Variants in NELL1 observed in about 807,000 individuals in gnomAD.
NELL1 encodes the protein protein kinase C-binding protein NELL1.
NELL1 carries 76 observed loss-of-function variants against 107.4 expected under a neutral mutation model. That is an observed-to-expected ratio of 0.71 (90% confidence interval 0.59 to 0.86). NELL1 has a LOEUF of 0.86. Ranked by LOEUF, NELL1 falls within the 40% of genes least tolerant of loss-of-function variation. The pLI, the probability that NELL1 is intolerant of heterozygous loss-of-function variation, is 0.00. For missense variants in NELL1, 1,024 were observed against 1,005.5 expected (o/e 1.02, Z -0.25); for synonymous variants, 353 against 341.2 (o/e 1.03, Z -0.38).
intron 13 of NELL1, among the ~76,000 whole-genome samples, chr11:21,152,655 C>T (rs989462863): frequency 1.3e-4 from 20 of 152,088 alleles, no homozygotes; most frequent in African/African-American, 4.8e-4. Flanking sequence ...CTTGTCTCTG[C>T]AATTGACAAT....
chr11:20,936,366 G>C (rs1850724841), intron 9 of NELL1, among the ~76,000 whole-genome samples: 1 of 152,168 alleles, frequency 6.6e-6, no homozygotes, highest in Non-Finnish European at 1.5e-5. Context: ...TGTATCCTTT[G>C]CTCATGGAAG....
intron 14 of NELL1, among the ~76,000 whole-genome samples, chr11:21,353,115 C>T (rs1379751727): frequency 1.3e-5 from 2 of 152,138 alleles, no homozygotes; most frequent in Non-Finnish European, 2.9e-5. Context: ...TTCATTATAG[C>T]ACCCTCAGGA....
chr11:21,227,961 G>T (rs115684115), intron 13 of NELL1, among the ~76,000 whole-genome samples: 1,596 of 152,252 alleles, frequency 0.01, 26 homozygotes, highest in African/African-American at 0.035. Context: ...AAGATTGATG[G>T]TTTTTCAAAT....
At chr11:20,810,885 T>C (rs1436121987) in intron 3 of NELL1, among the ~76,000 whole-genome samples, 1 of 152,070 alleles carries the variant, frequency 6.6e-6, no homozygotes, top group Admixed American at 6.5e-5. Context: ...TGTAGTTTCT[T>C]ATATATTTTT....
At chr11:20,690,083 T>C (rs555823504) in intron 2 of NELL1, among the ~76,000 whole-genome samples, 184 of 152,360 alleles carry the variant, frequency 1.2e-3, no homozygotes, top group African/African-American at 4.3e-3. Flanking sequence ...ATAAATGTCT[T>C]CTTTTGAGAA....
chr11:20,871,687 C>A (rs527920099), intron 4 of NELL1, among the ~76,000 whole-genome samples: 26 of 151,966 alleles, frequency 1.7e-4, no homozygotes, highest in African/African-American at 6.3e-4. Context: ...AGAGGAAAAT[C>A]CCCTCCCTAT....
intron 5 of NELL1, among the ~76,000 whole-genome samples, chr11:20,916,671 C>T (rs1322160671): frequency 2.0e-5 from 3 of 151,804 alleles, no homozygotes; most frequent in African/African-American, 4.8e-5. Flanking sequence ...TCTGTTTTAG[C>T]GCTGAATTTT....
intron 3 of NELL1, among the ~76,000 whole-genome samples, chr11:20,841,026 T>C (rs1848612346): frequency 1.3e-5 from 2 of 152,360 alleles, no homozygotes; most frequent in South Asian, 4.1e-4. Context: ...TTCGGTTTCA[T>C]GTTTCTGTAC....
rs183623484 is a variant in NELL1 at position 20,993,827 on chromosome 11, G to A, written c.1300+33267G>A. On this transcript the variant is annotated intron_variant, in intron 12 of 19. Transcript: ENST00000357134. The stretch of plus-strand genomic sequence containing the variant: ...CAATATTTTTGACCTGCAGTTGGTT[G>A]AATCCATGGATCGGGGGATGGGGGA... Among the ~76,000 whole-genome samples the A allele has an allele frequency of 4.6e-3, 689 of 150,006 alleles. 5 individuals are homozygous for A. The highest frequency in any genetic ancestry group is 0.016 in the African/African-American group (640 of 40,802).
chr11:21,215,880 G>A (rs1857602122), intron 13 of NELL1, among the ~76,000 whole-genome samples: 1 of 152,130 alleles, frequency 6.6e-6, no homozygotes, highest in Admixed American at 6.5e-5. Flanking sequence ...AGAAATTCAA[G>A]CCCACTGCAG....
chr11:21,431,333 A>G (rs1029849499), intron 15 of NELL1, among the ~76,000 whole-genome samples: 1 of 152,036 alleles, frequency 6.6e-6, no homozygotes, highest in Non-Finnish European at 1.5e-5. Flanking sequence ...CCAAAGTTCT[A>G]TATCATCTAT....
At chr11:21,228,297 C>G (rs1192288480) in intron 13 of NELL1, among the ~76,000 whole-genome samples, 3 of 152,160 alleles carry the variant, frequency 2.0e-5, no homozygotes, top group Admixed American at 2.0e-4. Context: ...GGAATCTTTT[C>G]ATCTGTTTTC....
intron 15 of NELL1, among the ~76,000 whole-genome samples, chr11:21,471,858 G>A (rs1477895259): frequency 6.6e-6 from 1 of 152,040 alleles, no homozygotes; most frequent in East Asian, 1.9e-4. Context: ...CATGTGAAAA[G>A]CCAGTATATT....
At chr11:21,341,612 G>T (rs149485502) in intron 14 of NELL1, among the ~76,000 whole-genome samples, 1 of 152,136 alleles carries the variant, frequency 6.6e-6, no homozygotes, top group Non-Finnish European at 1.5e-5. Context: ...AGCTAAGAGC[G>T]CATGGCCAGT....
At chr11:20,770,431 C>T (rs1018005400) in intron 2 of NELL1, among the ~76,000 whole-genome samples, 5 of 152,200 alleles carry the variant, frequency 3.3e-5, no homozygotes, top group Admixed American at 6.5e-5. Context: ...TTTCTTGGAG[C>T]TTCTGTTCAA....
chr11:21,430,273 A>G (rs1195727271), intron 15 of NELL1, among the ~76,000 whole-genome samples: 1 of 152,082 alleles, frequency 6.6e-6, no homozygotes, highest in Non-Finnish European at 1.5e-5. Context: ...CCCTTTGGTT[A>G]TTTTATATTT....
At chr11:21,260,943 A>C in intron 14 of NELL1, among the ~76,000 whole-genome samples, 1 of 151,836 alleles carries the variant, frequency 6.6e-6, no homozygotes, top group East Asian at 1.9e-4. Context: ...GAAATTATTA[A>C]GTGGAGGGAG....
chr11:21,201,620 C>A (rs1857272244), intron 13 of NELL1, among the ~76,000 whole-genome samples: 1 of 152,076 alleles, frequency 6.6e-6, no homozygotes, highest in African/African-American at 2.4e-5. Context: ...CCTTTTATTT[C>A]TTTCTCTTGC....
intron 16 of NELL1, among the ~76,000 whole-genome samples, chr11:21,537,773 A>T (rs1393611231): frequency 1.3e-5 from 2 of 152,150 alleles, no homozygotes; most frequent in Non-Finnish European, 2.9e-5. Context: ...TCAAAACTGT[A>T]TCAAATCAGA....
Sources: gnomAD v4.1 joint callset for allele counts (sites outside exome capture counted in the v4.1 genomes callset) on GRCh38, gnomAD v4.1.1 for gene constraint, MANE v1.5 for transcripts, NCBI Gene and HGNC (gene_info 2026-07-23, HGNC 2026-07-21) for gene names.